The following PGLYRP4 variants were observed in gnomAD, a reference collection of about 807,000 sequenced individuals.
PGLYRP4 encodes PGRP-I-beta.
A neutral mutation model predicts 41.2 loss-of-function variants in PGLYRP4; 39 were observed. That is an observed-to-expected ratio of 0.95 (90% CI 0.73 to 1.24). PGLYRP4 has a LOEUF of 1.24. PGLYRP4 is among the 50% of genes most tolerant of loss of function. PGLYRP4 has a pLI of 0.00. For synonymous variants in PGLYRP4, 202 were observed against 186.8 expected (o/e 1.08, Z -0.66); for missense variants, 467 against 460.7 (o/e 1.01, Z -0.13).
At chr1:153,338,876 T>TA (rs1660677978) in intron 7 of PGLYRP4, among the ~76,000 whole-genome samples, 1 of 152,194 alleles carries the variant, frequency 6.6e-6, no homozygotes, top group Non-Finnish European at 1.5e-5. Flanking sequence ...TACTAGAACT[T>TA]ATTTGTTTGA....
chr1:153,346,207 C>A lies in PGLYRP4; in HGVS notation c.50-16G>T. 3 of 1,597,944 alleles carry A rather than the reference C, an allele frequency of 1.9e-6. No homozygotes were observed. The highest frequency in any genetic ancestry group is 2.2e-5 in the East Asian group (1 of 44,810). ...GAGGAATCACCTGCAAAGGAATATC[C>A]CATTTTGCATCAGAGAGCACCAATA... On this transcript the variant is annotated splice_polypyrimidine_tract_variant and intron_variant, in intron 2 of 8. Transcript: ENST00000359650.
rs139954121 is a variant in PGLYRP4, at chr1:153,344,223, C to A, written c.353+946G>T. On this transcript the variant is annotated intron_variant, in intron 4 of 8. Transcript: ENST00000359650. ...TTTGTTTTTTCTAAAATAAACCAGT[C>A]CTCGACTGTCGAGCCACCTTTCATG... Among the ~76,000 whole-genome samples the A allele has an allele frequency of 4.0e-3, 616 of 152,348 alleles. 4 individuals carry two copies. The highest frequency in any genetic ancestry group is 0.014 in the African/African-American group (592 of 41,562).
At position 153,345,384 on chromosome 1, in the gene PGLYRP4, T is replaced by G. The variant is rs757497129; in HGVS notation, c.140-2A>C. 3 of 1,613,792 alleles carry G rather than the reference T, an allele frequency of 1.9e-6. No homozygotes were observed. The Admixed American group carries it at 5.0e-5, about 27-fold the overall frequency. On this transcript the variant is annotated splice_acceptor_variant, in intron 3 of 8. Coordinates refer to ENST00000359650, the MANE Select transcript of PGLYRP4 (RefSeq NM_020393.4). LOFTEE classifies it high-confidence loss of function. ...TGGTGGAGACATCTGTGGGAAGGCC[T>G]TGGGGACGTCACTCAGCGCACCTGC...
intron 5 of PGLYRP4, 33 bp downstream of exon 5, chr1:153,343,057 T>C (rs760782911): frequency 2.2e-6 from 3 of 1,352,290 alleles, no homozygotes; most frequent in Non-Finnish European, 2.1e-6. Context: ...ATTAGAGAAC[T>C]CTTTGGAGAA....
intron 8 of PGLYRP4, among the ~76,000 whole-genome samples, chr1:153,332,466 G>T (rs561872322): frequency 1.3e-5 from 2 of 152,044 alleles, no homozygotes; most frequent in Non-Finnish European, 2.9e-5. Context: ...GCACTGGACA[G>T]ATCATCAAGG....
chr1:153,342,975 A>C (rs1447663814), intron 5 of PGLYRP4, 115 bp downstream of exon 5: 1 of 522,236 alleles, frequency 1.9e-6, no homozygotes, highest in Non-Finnish European at 3.3e-6. Context: ...GGGTCTTCAG[A>C]GAAGTATGAG....
intron 8 of PGLYRP4, among the ~76,000 whole-genome samples, chr1:153,336,343 C>A (rs1419021204): frequency 1.7e-5 from 2 of 117,636 alleles, no homozygotes; most frequent in African/African-American, 6.7e-5. Flanking sequence ...GTGTTCCAGC[C>A]TGGGTGACAG....
rs1291410658 is a variant in PGLYRP4 at position 153,343,224 on chromosome 1, A to G, written c.354-16T>C. On this transcript the variant is annotated splice_polypyrimidine_tract_variant and intron_variant, in intron 4 of 8. Coordinates refer to ENST00000359650, the MANE Select transcript of PGLYRP4 (RefSeq NM_020393.4). ...AACCAGGAAGCTATGGAGCAAGATA[A>G]TACAGGTTTCATGGCTGGCACTGTA... is the stretch of plus-strand genomic sequence containing the variant. 1 of 1,562,904 alleles carries G rather than the reference A, an allele frequency of 6.4e-7. No homozygotes were observed. The highest frequency in any genetic ancestry group is 1.4e-5 in the African/African-American group (1 of 73,902).
At chr1:153,345,999 C>T (rs959005935) in intron 3 of PGLYRP4, 103 bp downstream of exon 3, 2 of 835,544 alleles carry the variant, frequency 2.4e-6, no homozygotes, top group Non-Finnish European at 4.1e-6. Context: ...CCCATTTTCC[C>T]CCTCCCAGTC....
intron 2 of PGLYRP4, among the ~76,000 whole-genome samples, chr1:153,346,964 AG>A (rs1661036036): frequency 6.6e-6 from 1 of 152,266 alleles, no homozygotes; most frequent in African/African-American, 2.4e-5. Context: ...AGGCAGAGCG[AG>A]GACTTGAATC....
rs762936538 is a variant in PGLYRP4, at chr1:153,330,616, G to A, written c.*151C>T. On this transcript the variant is annotated 3_prime_UTR_variant, in exon 9 of 9. Transcript: ENST00000359650. ...GGAGGCCCTTGGAGGATGTTGGCAGGAGAGGGCATGATCATCCCAACCTGA... is the reference window on the plus strand; with the variant it reads ...GGAGGCCCTTGGAGGATGTTGGCAGAAGAGGGCATGATCATCCCAACCTGA... 6 of 589,290 alleles carry A rather than the reference G, an allele frequency of 1.0e-5. No individual in the cohort carries two copies. The highest frequency in any genetic ancestry group is 1.5e-5 in the Non-Finnish European group (5 of 327,226). The allele number at this position is 589,290 out of a possible 1,614,324, so 36.5% of individuals were successfully genotyped here.
chr1:153,344,716 G>A (rs1364400534), intron 4 of PGLYRP4, among the ~76,000 whole-genome samples: 4 of 152,204 alleles, frequency 2.6e-5, no homozygotes, highest in African/African-American at 9.7e-5. Context: ...TGTGTGGTGT[G>A]GAGGAGCACG....
intron 2 of PGLYRP4, among the ~76,000 whole-genome samples, chr1:153,346,622 G>C (rs1661021195): frequency 6.6e-6 from 1 of 152,244 alleles, no homozygotes; most frequent in African/African-American, 2.4e-5. Flanking sequence ...CCCCGGGATT[G>C]ATTTTAGGGA....
chr1:153,334,999 A>G (rs1660491339), intron 8 of PGLYRP4, among the ~76,000 whole-genome samples: 1 of 152,212 alleles, frequency 6.6e-6, no homozygotes, highest in South Asian at 2.1e-4. Context: ...TTGGATAGTC[A>G]CATGCAGAAG....
chr1:153,334,827 A>G (rs1170456610), intron 8 of PGLYRP4, among the ~76,000 whole-genome samples: 2 of 152,170 alleles, frequency 1.3e-5, no homozygotes, highest in African/African-American at 4.8e-5. Flanking sequence ...TAGTAACCAA[A>G]TTAGCATCGT....
At chr1:153,340,692 G>T in intron 6 of PGLYRP4, 113 bp from the exon 7 acceptor site, 1 of 1,061,302 alleles carries the variant, frequency 9.4e-7, no homozygotes, top group Non-Finnish European at 1.4e-6. Flanking sequence ...ACCCCTCTGG[G>T]TCTCCCACCC....
At chr1:153,344,673 T>C (rs1363652481) in intron 4 of PGLYRP4, among the ~76,000 whole-genome samples, 1 of 152,160 alleles carries the variant, frequency 6.6e-6, no homozygotes, top group Admixed American at 6.5e-5. Context: ...CAGGAACAGA[T>C]GGACATTTGC....
chr1:153,335,589 G>A lies in PGLYRP4; in HGVS notation c.943+1592C>T, dbSNP rs1020717018. On this transcript the variant is annotated intron_variant, in intron 8 of 8. Transcript: ENST00000359650. ...AAAATTAAAAAATTAGCTGGGTGTGGTGGCATGCACCTGTAGTCCTAGCTA... is the reference window on the plus strand; with the variant it reads ...AAAATTAAAAAATTAGCTGGGTGTGATGGCATGCACCTGTAGTCCTAGCTA... 2.0e-5 allele frequency among the ~76,000 whole-genome samples: 3 copies of A among 152,070 alleles called. No homozygotes were observed. In the East Asian group the frequency reaches 5.8e-4, roughly 29 times the overall value.
At chr1:153,332,517 T>C (rs949592000) in intron 8 of PGLYRP4, among the ~76,000 whole-genome samples, 2 of 152,154 alleles carry the variant, frequency 1.3e-5, no homozygotes, top group Non-Finnish European at 2.9e-5. Flanking sequence ...AATTGGACTC[T>C]AGATCAAATA....
Sources: allele counts gnomAD v4.1 joint callset (sites outside exome capture counted in the v4.1 genomes callset), GRCh38; gene constraint gnomAD v4.1.1; transcripts MANE v1.5; gene names NCBI Gene and HGNC (gene_info 2026-07-23, HGNC 2026-07-21).